The following ERAP1 variants were observed in gnomAD, a reference collection of about 807,000 sequenced individuals.
ERAP1 encodes adipocyte-derived leucine aminopeptidase.
ERAP1 carries 86 observed loss-of-function variants against 103.7 expected under a neutral mutation model. The observed-to-expected ratio is 0.83, with a 90% CI of 0.70 to 0.99. The LOEUF (loss-of-function observed/expected upper bound fraction) is 0.99, where lower values mean the gene tolerates loss of function less well. Among genes scored for constraint, ERAP1 ranks in the 50% least tolerant of loss-of-function variants. ERAP1 has a pLI of 0.00. For missense variants in ERAP1, 1,009 were observed against 1,128.4 expected, an observed-to-expected ratio of 0.89 and a Z score of 1.52; for synonymous variants, 398 against 402.4, an observed-to-expected ratio of 0.99 and a Z score of 0.13.
chr5:96,777,541 G>A (rs11741100), intron 18 of ERAP1, among the ~76,000 whole-genome samples: 13,810 of 152,140 alleles, frequency 0.091, 827 homozygotes, highest in Middle Eastern at 0.16. Flanking sequence ...TCAATACAGT[G>A]CAACTTTACA....
the ERAP1 span, among the ~76,000 whole-genome samples, chr5:96,905,944 ATT>A: frequency 2.1e-5 from 3 of 139,618 alleles, no homozygotes; most frequent in African/African-American, 2.7e-5. Flanking sequence ...TTTCTTTTTA[ATT>A]TTTTTTTTTT....
the ERAP1 span, among the ~76,000 whole-genome samples, chr5:96,856,365 T>TATAGAGAGAGAGAGAG: frequency 4.9e-5 from 1 of 20,384 alleles, no homozygotes; most frequent in African/African-American, 1.7e-4. Flanking sequence ...TATATATATA[T>TATAGAGAGAGAGAGAG]AGAGAGAGAG....
the ERAP1 span, among the ~76,000 whole-genome samples, chr5:96,893,030 C>A: frequency 2.0e-5 from 3 of 152,086 alleles, no homozygotes; most frequent in African/African-American, 7.2e-5. Flanking sequence ...GGAAAGTGTG[C>A]GGATCACATA....
the ERAP1 span, among the ~76,000 whole-genome samples, chr5:96,905,944 A>AT: frequency 0.54 from 75,962 of 139,504 alleles, 20,750 homozygotes; most frequent in Middle Eastern, 0.58. Context: ...TTTCTTTTTA[A>AT]TTTTTTTTTT....
At chr5:96,779,035 C>T (rs141754294) in intron 18 of ERAP1, among the ~76,000 whole-genome samples, 16 of 152,282 alleles carry the variant, frequency 1.1e-4, no homozygotes, top group South Asian at 4.2e-4. Context: ...GCATTTCCTT[C>T]GATATCTTCT....
the ERAP1 span, among the ~76,000 whole-genome samples, chr5:96,863,950 A>G: frequency 6.6e-6 from 1 of 152,154 alleles, no homozygotes; most frequent in South Asian, 2.1e-4. Context: ...GATATTGTGT[A>G]TTATCTTCAA....
At chr5:96,878,994 G>A in the ERAP1 span, among the ~76,000 whole-genome samples, 1 of 152,068 alleles carries the variant, frequency 6.6e-6, no homozygotes, top group South Asian at 2.1e-4. Flanking sequence ...AATCCCAACA[G>A]TTTGGGAGGA....
chr5:96,882,561 G>A, the ERAP1 span, among the ~76,000 whole-genome samples: 57 of 152,170 alleles, frequency 3.7e-4, 1 homozygote, highest in Non-Finnish European at 4.4e-5. Flanking sequence ...TGGTTCTTTT[G>A]AGATGCAGAA....
the ERAP1 span, chr5:96,909,989 G>A: frequency 2.3e-6 from 1 of 429,730 alleles, no homozygotes; most frequent in East Asian, 4.1e-5. Flanking sequence ...GTGCTGGCTG[G>A]ATGCAGTGGC....
the ERAP1 span, chr5:96,886,784 G>A: frequency 6.7e-7 from 1 of 1,494,290 alleles, no homozygotes; most frequent in Non-Finnish European, 9.1e-7. Context: ...TTCATCAGGG[G>A]TCAAGGTGAG....
the ERAP1 span, chr5:96,814,031 C>T: frequency 3.5e-6 from 1 of 286,904 alleles, no homozygotes; most frequent in Non-Finnish European, 7.0e-6. Flanking sequence ...AACATATCAA[C>T]TTAAAACAAC....
At chr5:96,769,235 C>G (rs1771229686) in intron 19 of ERAP1, 1 of 152,164 alleles carries the variant, frequency 6.6e-6, no homozygotes, top group Non-Finnish European at 1.5e-5. Flanking sequence ...AGCTTAATTT[C>G]TAGACCACTT....
the ERAP1 span, chr5:96,892,581 C>A: frequency 9.6e-7 from 1 of 1,042,446 alleles, no homozygotes; most frequent in South Asian, 1.6e-5. Context: ...GACTACTAAA[C>A]CTAACACAAC....
At chr5:96,891,874 C>T in the ERAP1 span, among the ~76,000 whole-genome samples, 40 of 151,916 alleles carry the variant, frequency 2.6e-4, 1 homozygote, top group East Asian at 3.5e-3. Flanking sequence ...TTTGTTTTTT[C>T]TAAAAATAAG....
chr5:96,913,476 C>T, the ERAP1 span: 3 of 1,612,912 alleles, frequency 1.9e-6, no homozygotes, highest in African/African-American at 4.0e-5. Flanking sequence ...TCATTTTCAT[C>T]CAATGTTTGT....
At chr5:96,870,840 A>G in the ERAP1 span, among the ~76,000 whole-genome samples, 5 of 152,152 alleles carry the variant, frequency 3.3e-5, no homozygotes, top group African/African-American at 1.2e-4. Flanking sequence ...CTGAGGTAAG[A>G]CACTTTAGCA....
intron 19 of ERAP1, chr5:96,763,322 C>T (rs1768673837): frequency 3.9e-6 from 3 of 773,460 alleles, no homozygotes; most frequent in Non-Finnish European, 7.2e-6. Context: ...TAATAAAGCA[C>T]TTAAAACCAG....
chr5:96,797,070 G>C, intron 4 of ERAP1, 105 bp downstream of exon 4: 1 of 1,375,436 alleles, frequency 7.3e-7, no homozygotes, highest in Non-Finnish European at 1.0e-6. Context: ...TTTATGTTGG[G>C]TTTACACGCA....
the ERAP1 span, among the ~76,000 whole-genome samples, chr5:96,895,038 G>GA: frequency 1.3e-5 from 2 of 151,432 alleles, no homozygotes; most frequent in Non-Finnish European, 2.9e-5. Flanking sequence ...ACAAAAAAAA[G>GA]AAAAAAGAAA....
Sources: gnomAD v4.1 joint callset for allele counts (sites outside exome capture counted in the v4.1 genomes callset) on GRCh38, gnomAD v4.1.1 for gene constraint, MANE v1.5 for transcripts, NCBI Gene and HGNC (gene_info 2026-07-23, HGNC 2026-07-21) for gene names.